The following ZSCAN25 variants were observed in gnomAD, a reference collection of about 807,000 sequenced individuals.
ZSCAN25 encodes the protein zinc finger and SCAN domain-containing protein 25.
In ZSCAN25, 27 loss-of-function variants were observed where a neutral mutation model predicts 38.7. The observed-to-expected ratio is 0.70, with a 90% CI of 0.51 to 0.96. ZSCAN25 has a LOEUF of 0.96. Among genes scored for constraint, ZSCAN25 ranks in the 40% least tolerant of loss-of-function variants. The pLI is 0.00. For synonymous variants in ZSCAN25, 273 were observed against 277.7 expected, an observed-to-expected ratio of 0.98 and a Z score of 0.17; for missense variants, 637 against 705.9, an observed-to-expected ratio of 0.90 and a Z score of 1.11.
the ZSCAN25 span, chr7:99,720,365 A>G: frequency 5.6e-6 from 9 of 1,613,678 alleles, no homozygotes; most frequent in South Asian, 5.5e-5. Context: ...TGTTTTGATC[A>G]TGTCGGGATC....
the ZSCAN25 span, among the ~76,000 whole-genome samples, chr7:99,695,430 A>G: frequency 2.6e-5 from 4 of 152,148 alleles, no homozygotes; most frequent in Admixed American, 2.0e-4. Flanking sequence ...ATATGACTGT[A>G]CCTTCCTGGG....
the ZSCAN25 span, among the ~76,000 whole-genome samples, chr7:99,729,031 T>C: frequency 5.3e-5 from 8 of 152,144 alleles, no homozygotes; most frequent in Admixed American, 3.3e-4. Context: ...TCTGGCCTGG[T>C]ATATGACAAT....
chr7:99,673,355 C>T, the ZSCAN25 span, among the ~76,000 whole-genome samples: 1 of 152,232 alleles, frequency 6.6e-6, no homozygotes, highest in Non-Finnish European at 1.5e-5. Context: ...CACCAAACCT[C>T]TAGCCCCTCT....
chr7:99,704,413 C>T, the ZSCAN25 span, among the ~76,000 whole-genome samples: 1 of 152,026 alleles, frequency 6.6e-6, no homozygotes, highest in Non-Finnish European at 1.5e-5. Context: ...GCCTCAGCCT[C>T]CTGGGTAGCT....
chr7:99,658,961 A>G, the ZSCAN25 span: 2 of 151,954 alleles, frequency 1.3e-5, no homozygotes, highest in Admixed American at 1.3e-4. Flanking sequence ...CTCTGCATTG[A>G]TTATTCTAGT....
the ZSCAN25 span, among the ~76,000 whole-genome samples, chr7:99,687,604 A>G: frequency 6.6e-6 from 1 of 152,242 alleles, no homozygotes; most frequent in Non-Finnish European, 1.5e-5. Flanking sequence ...TCTGCAGGAT[A>G]TTATCCAGGA....
the ZSCAN25 span, chr7:99,675,988 C>T: frequency 1.3e-6 from 1 of 763,412 alleles, no homozygotes; most frequent in African/African-American, 1.8e-5. Flanking sequence ...ATCCACTGCA[C>T]CCAGTCCCAC....
the ZSCAN25 span, among the ~76,000 whole-genome samples, chr7:99,726,892 G>C: frequency 0.76 from 115,877 of 152,060 alleles, 47,116 homozygotes; most frequent in Non-Finnish European, 0.91. Flanking sequence ...AACACATGGG[G>C]TCTCCCTGCT....
the ZSCAN25 span, among the ~76,000 whole-genome samples, chr7:99,687,217 A>C: frequency 6.6e-6 from 1 of 151,948 alleles, no homozygotes; most frequent in Admixed American, 6.6e-5. Context: ...AGACGATCAA[A>C]CTACTCCAAG....
At chr7:99,721,811 A>G in the ZSCAN25 span, among the ~76,000 whole-genome samples, 2 of 152,264 alleles carry the variant, frequency 1.3e-5, no homozygotes, top group Admixed American at 6.5e-5. Flanking sequence ...AAATAAATCA[A>G]AGAAGGCTAT....
the ZSCAN25 span, chr7:99,722,242 G>C: frequency 6.2e-7 from 1 of 1,608,324 alleles, no homozygotes; most frequent in Non-Finnish European, 8.5e-7. Flanking sequence ...TGTGCAGTGG[G>C]GTAAACTCAT....
At chr7:99,637,840 A>C in the ZSCAN25 span, among the ~76,000 whole-genome samples, 1 of 152,226 alleles carries the variant, frequency 6.6e-6, no homozygotes, top group Non-Finnish European at 1.5e-5. Flanking sequence ...CATGAATGCA[A>C]AATAAGCCAT....
chr7:99,670,053 C>T, the ZSCAN25 span, among the ~76,000 whole-genome samples: 18 of 152,250 alleles, frequency 1.2e-4, 1 homozygote, highest in South Asian at 2.9e-3. Context: ...ATTGAATCAT[C>T]GCTAGTTTCA....
chr7:99,647,193 A>AAT, the ZSCAN25 span, among the ~76,000 whole-genome samples: 2 of 152,150 alleles, frequency 1.3e-5, no homozygotes, highest in Admixed American at 1.3e-4. Context: ...CTTGAAGGCC[A>AAT]CACCTCTGTG....
At chr7:99,731,235 G>T in the ZSCAN25 span, 3 of 1,493,972 alleles carry the variant, frequency 2.0e-6, no homozygotes, top group Admixed American at 1.7e-5. Flanking sequence ...TGAGGAACTG[G>T]AATGATCAGG....
At chr7:99,660,748 CAAG>C in the ZSCAN25 span, 1 of 1,480,726 alleles carries the variant, frequency 6.8e-7, no homozygotes, top group Non-Finnish European at 9.2e-7. Context: ...TCTCTAATCC[CAAG>C]AAGAAAAAAT....
the ZSCAN25 span, among the ~76,000 whole-genome samples, chr7:99,682,055 G>A: frequency 3.6e-4 from 55 of 152,108 alleles, no homozygotes; most frequent in African/African-American, 1.1e-3. Context: ...TGCCACCTCC[G>A]CCTCCTGGGT....
chr7:99,625,262 G>A (rs1261902478), intron 7 of ZSCAN25, among the ~76,000 whole-genome samples: 2 of 152,156 alleles, frequency 1.3e-5, no homozygotes, highest in African/African-American at 4.8e-5. Context: ...GACCATGGTA[G>A]TGTTAGATTG....
At chr7:99,665,823 G>A in the ZSCAN25 span, among the ~76,000 whole-genome samples, 1 of 152,252 alleles carries the variant, frequency 6.6e-6, no homozygotes, top group African/African-American at 2.4e-5. Flanking sequence ...TACACTCCCT[G>A]CTAATGCTCT....
Sources: gnomAD v4.1 joint callset for allele counts (sites outside exome capture counted in the v4.1 genomes callset) on GRCh38, gnomAD v4.1.1 for gene constraint, MANE v1.5 for transcripts, NCBI Gene and HGNC (gene_info 2026-07-23, HGNC 2026-07-21) for gene names.